The following SNTG1 variants were observed in gnomAD, a reference collection of about 807,000 sequenced individuals.
SNTG1 encodes the protein syntrophin gamma 1, also known as gamma-1-syntrophin.
Under a neutral mutation model 74.7 loss-of-function variants are expected in SNTG1, and 39 were observed. That is an observed-to-expected ratio of 0.52 (90% CI 0.40 to 0.68). The LOEUF is 0.68. Among genes scored for constraint, SNTG1 ranks in the 30% least tolerant of loss-of-function variants. SNTG1 has a pLI of 0.00. For missense variants in SNTG1, 685 were observed against 609.5 expected, an observed-to-expected ratio of 1.12 and a Z score of -1.30; for synonymous variants, 254 against 217.1, an observed-to-expected ratio of 1.17 and a Z score of -1.49.
intron 4 of SNTG1, among the ~76,000 whole-genome samples, chr8:50,413,482 T>G (rs1284950046): frequency 6.6e-6 from 1 of 152,340 alleles, no homozygotes; most frequent in South Asian, 2.1e-4. Context: ...CTCTTCTTTC[T>G]GAGTGTTGAA....
intron 1 of SNTG1, among the ~76,000 whole-genome samples, chr8:49,960,789 A>G (rs147942502): frequency 6.6e-6 from 1 of 152,214 alleles, no homozygotes; most frequent in Non-Finnish European, 1.5e-5. Flanking sequence ...CTGAGTCTGT[A>G]TTTACCTCAG....
chr8:50,669,322 G>C (rs953891049), intron 15 of SNTG1, among the ~76,000 whole-genome samples: 1 of 151,690 alleles, frequency 6.6e-6, no homozygotes, highest in African/African-American at 2.4e-5. Context: ...AAAGAGAGAA[G>C]AATCAAATAG....
intron 15 of SNTG1, among the ~76,000 whole-genome samples, chr8:50,700,512 T>A (rs192717847): frequency 7.9e-5 from 12 of 152,210 alleles, no homozygotes; most frequent in Non-Finnish European, 1.0e-4. Context: ...AAGCTTAGAG[T>A]CTATGCTGCC....
At chr8:50,067,968 T>C (rs1821038375) in intron 1 of SNTG1, among the ~76,000 whole-genome samples, 1 of 152,174 alleles carries the variant, frequency 6.6e-6, no homozygotes, top group Admixed American at 6.5e-5. Flanking sequence ...TACGTGTATT[T>C]CATCATCTTT....
chr8:50,744,326 T>G (rs1279252780), intron 17 of SNTG1, among the ~76,000 whole-genome samples: 1 of 151,990 alleles, frequency 6.6e-6, no homozygotes, highest in Non-Finnish European at 1.5e-5. Flanking sequence ...AGAAGACAAT[T>G]TTATTTACAA....
chr8:50,417,715 G>A (rs2093032093), intron 4 of SNTG1, among the ~76,000 whole-genome samples: 1 of 152,010 alleles, frequency 6.6e-6, no homozygotes, highest in African/African-American at 2.4e-5. Flanking sequence ...TCACTCCAAG[G>A]TGATGCCCTT....
At chr8:50,087,614 C>G (rs572365987) in intron 1 of SNTG1, among the ~76,000 whole-genome samples, 1 of 152,018 alleles carries the variant, frequency 6.6e-6, no homozygotes, top group Non-Finnish European at 1.5e-5. Flanking sequence ...CTACTTAGTT[C>G]TGTGTGTATG....
chr8:50,136,870 C>A (rs536591658), intron 1 of SNTG1, among the ~76,000 whole-genome samples: 102 of 152,110 alleles, frequency 6.7e-4, no homozygotes, highest in South Asian at 1.5e-3. Context: ...ACTTGTGGTC[C>A]ATGCTACCAA....
intron 4 of SNTG1, among the ~76,000 whole-genome samples, chr8:50,423,190 C>T (rs942088679): frequency 6.6e-6 from 1 of 152,072 alleles, no homozygotes; most frequent in African/African-American, 2.4e-5. Context: ...AAGTAGAAAC[C>T]AATAACAGGG....
At chr8:50,498,253 A>G (rs552379297) in intron 8 of SNTG1, among the ~76,000 whole-genome samples, 4 of 152,030 alleles carry the variant, frequency 2.6e-5, no homozygotes, top group Admixed American at 2.6e-4. Flanking sequence ...CAGTTCCTCC[A>G]AAACCTTACA....
At chr8:50,579,612 C>T (rs1277130038) in intron 12 of SNTG1, among the ~76,000 whole-genome samples, 1 of 152,112 alleles carries the variant, frequency 6.6e-6, no homozygotes, top group Non-Finnish European at 1.5e-5. Context: ...ATCGCAGCTG[C>T]TCTGGCTATG....
intron 18 of SNTG1, among the ~76,000 whole-genome samples, chr8:50,784,466 A>C (rs2095668991): frequency 6.6e-6 from 1 of 152,220 alleles, no homozygotes; most frequent in Non-Finnish European, 1.5e-5. Context: ...TATAATGAAA[A>C]ATGAATCAAT....
chr8:49,948,311 A>G (rs1021145071), intron 1 of SNTG1, among the ~76,000 whole-genome samples: 5 of 152,200 alleles, frequency 3.3e-5, no homozygotes, highest in Admixed American at 2.0e-4. Context: ...TTTTATGTAT[A>G]TCATCTTATT....
chr8:50,302,046 A>C (rs2089674976), intron 2 of SNTG1, among the ~76,000 whole-genome samples: 1 of 151,922 alleles, frequency 6.6e-6, no homozygotes, highest in Admixed American at 6.6e-5. Context: ...TGGTAGAGAC[A>C]GAGTTTCACC....
chr8:50,179,545 G>A (rs1432609622), intron 2 of SNTG1, among the ~76,000 whole-genome samples: 1 of 152,008 alleles, frequency 6.6e-6, no homozygotes, highest in Non-Finnish European at 1.5e-5. Flanking sequence ...CATCTGATAA[G>A]AAATTAATAC....
chr8:49,961,939 A>C (rs944167898), intron 1 of SNTG1, among the ~76,000 whole-genome samples: 2 of 152,218 alleles, frequency 1.3e-5, no homozygotes, highest in Non-Finnish European at 2.9e-5. Context: ...CTGGCTTTAC[A>C]AAAGGGATTT....
At chr8:50,481,901 G>A (rs1260060061) in intron 8 of SNTG1, among the ~76,000 whole-genome samples, 4 of 152,188 alleles carry the variant, frequency 2.6e-5, no homozygotes, top group Non-Finnish European at 5.9e-5. Context: ...TTTCTGCAGA[G>A]TCATGGAAGT....
chr8:50,066,040 C>T (rs1164556316), intron 1 of SNTG1, among the ~76,000 whole-genome samples: 2 of 152,124 alleles, frequency 1.3e-5, no homozygotes, highest in Non-Finnish European at 2.9e-5. Context: ...CATGGTGAAA[C>T]CCCGTCTCTA....
At chr8:50,730,433 A>G (rs900672773) in intron 17 of SNTG1, among the ~76,000 whole-genome samples, 1 of 152,190 alleles carries the variant, frequency 6.6e-6, no homozygotes, top group Non-Finnish European at 1.5e-5. Context: ...ATTTCACACT[A>G]TTTTGGCACT....
Sources: allele counts gnomAD v4.1 joint callset (sites outside exome capture counted in the v4.1 genomes callset), GRCh38; gene constraint gnomAD v4.1.1; transcripts MANE v1.5; gene names NCBI Gene and HGNC (gene_info 2026-07-23, HGNC 2026-07-21).